Variants in HECTD4 observed in about 807,000 individuals in gnomAD.
HECTD4 encodes HECT domain E3 ubiquitin protein ligase 4.
In HECTD4, 114 loss-of-function variants were observed where a neutral mutation model predicts 471.5. The observed-to-expected ratio is 0.24, with a 90% CI of 0.21 to 0.28. HECTD4 has a LOEUF of 0.28. Ranked by LOEUF, HECTD4 falls within the 10% of genes least tolerant of loss-of-function variation. The pLI is 1.00. For missense variants in HECTD4, 3,866 were observed against 5,651.5 expected (o/e 0.68, Z 10.13); for synonymous variants, 2,012 against 2,256.0 (o/e 0.89, Z 3.07).
In HECTD4 at chr12:112,172,652, T is replaced by C. The variant is rs369957466; in HGVS notation, c.11785+19A>G. On this transcript the variant is annotated intron_variant, in intron 67 of 75. Transcript: ENST00000682272. ...CCGCATCAGGCAGCAGGGGAGGGGA[T>C]AGGCCCAGGGCCACATACTCAGGAG... is the stretch of plus-strand genomic sequence containing the variant. The C allele has an allele frequency of 1.9e-6, 3 of 1,610,826 alleles. No individual in the cohort carries two copies. In the African/African-American group the frequency reaches 4.0e-5, roughly 22 times the overall value.
At chr12:112,250,499 T>A (rs1438567388) in intron 24 of HECTD4, 122 bp from the exon 25 acceptor site, 3 of 698,700 alleles carry the variant, frequency 4.3e-6, no homozygotes, top group Non-Finnish European at 7.1e-6. Context: ...TAATTACTCA[T>A]CAAACCTTCT....
At chr12:112,326,920 T>G (rs180843662) in intron 1 of HECTD4, among the ~76,000 whole-genome samples, 141 of 152,358 alleles carry the variant, frequency 9.3e-4, no homozygotes, top group Middle Eastern at 6.8e-3. Flanking sequence ...ATAGAAATTA[T>G]ATTTCTAGGA....
At chr12:112,329,079 T>A (rs1363859437) in intron 1 of HECTD4, among the ~76,000 whole-genome samples, 1 of 152,236 alleles carries the variant, frequency 6.6e-6, no homozygotes, top group Non-Finnish European at 1.5e-5. Flanking sequence ...AGTTTTCATC[T>A]TTTGTGCTGT....
Position 112,219,429 on chromosome 12 carries a change from C to T in HECTD4, c.7031G>A (p.Cys2344Tyr), listed in dbSNP as rs1269514698. The change falls in exon 45 of 76, where the codon TGT (cysteine) becomes TAT (tyrosine). Residue 2344 changes from cysteine to tyrosine, a missense_variant. This residue lies in a region of HECTD4 where 617 missense variants were observed against 915.1 expected (regional missense o/e 0.67). Coordinates refer to ENST00000682272, the MANE Select transcript of HECTD4 (RefSeq NM_001388303.1). ...CERLRMLYRD[C>Y]ARPPPPPLQA... ...CAAAGGAGGTGGTGGGGGCCGAGCA[C>T]AGTCCCGGTAGAGCATCCTCAGCCG... is the stretch of plus-strand genomic sequence containing the variant. 6.2e-7 allele frequency: 1 copy of T among 1,613,718 alleles called. No individual in the cohort carries two copies.
chr12:112,351,492 C>A (rs2036247663), intron 1 of HECTD4, among the ~76,000 whole-genome samples: 1 of 152,118 alleles, frequency 6.6e-6, no homozygotes, highest in South Asian at 2.1e-4. Context: ...TAGTAGAAAA[C>A]CAGGCCAGTG....
intron 7 of HECTD4, chr12:112,302,634 C>T (rs113410767): frequency 2.1e-5 from 13 of 616,202 alleles, no homozygotes; most frequent in African/African-American, 1.8e-4. Flanking sequence ...GGGCCGGGGC[C>T]ACCTTCTTCC....
At chr12:112,280,399 C>T (rs575426070) in intron 8 of HECTD4, among the ~76,000 whole-genome samples, 1 of 152,178 alleles carries the variant, frequency 6.6e-6, no homozygotes, top group Admixed American at 6.5e-5. Flanking sequence ...ATTATGTCAA[C>T]AGAGAATCAA....
At chr12:112,349,671 G>A (rs999684069) in intron 1 of HECTD4, among the ~76,000 whole-genome samples, 1 of 151,902 alleles carries the variant, frequency 6.6e-6, no homozygotes, top group Admixed American at 6.6e-5. Flanking sequence ...ATGCAACTAC[G>A]GCAGTACAAA....
chr12:112,263,230 A>G (rs1043227902), intron 17 of HECTD4, among the ~76,000 whole-genome samples: 3 of 152,232 alleles, frequency 2.0e-5, no homozygotes, highest in African/African-American at 7.2e-5. Flanking sequence ...AATGAGGTAA[A>G]CTCATAAGTA....
chr12:112,242,667 T>C (rs1361722547), intron 32 of HECTD4, among the ~76,000 whole-genome samples: 7 of 150,408 alleles, frequency 4.7e-5, no homozygotes, highest in Admixed American at 2.6e-4. Flanking sequence ...CACAGCACTT[T>C]GGGGGGGCCG....
At chr12:112,192,282 TA>T (rs1471161684) in intron 59 of HECTD4, among the ~76,000 whole-genome samples, 6 of 152,222 alleles carry the variant, frequency 3.9e-5, no homozygotes, top group Non-Finnish European at 8.8e-5. Flanking sequence ...TGTATCATTC[TA>T]AACAGACACA....
At chr12:112,302,088 G>A in intron 7 of HECTD4, 1 of 1,374,558 alleles carries the variant, frequency 7.3e-7, no homozygotes, top group East Asian at 2.3e-5. Context: ...GTCTTCCTGT[G>A]GACTAGACGG....
chr12:112,270,418 G>A lies in HECTD4; in HGVS notation c.1984C>T (p.His662Tyr), dbSNP rs2034390332. Residue 662 changes from histidine (H) to tyrosine (Y), a missense_variant, in exon 12 of 76, where the codon CAC (histidine) becomes TAC (tyrosine). By Grantham distance (83) the His-to-Tyr change is moderately conservative (BLOSUM62 2). This residue lies in a region of HECTD4 where 525 missense variants were observed against 672.6 expected (regional missense o/e 0.78). Coordinates refer to ENST00000682272, the MANE Select transcript of HECTD4 (RefSeq NM_001388303.1). ...TGTATGCACATCGCACCAACGTGGTGCAATAATTGGTTTATAACCTCATTC... is the reference window on the plus strand; with the variant it reads ...TGTATGCACATCGCACCAACGTGGTACAATAATTGGTTTATAACCTCATTC... ...TTNEVINQLL[H>Y]HVGAMCIHQL... The A allele has an allele frequency of 3.1e-6, 5 of 1,614,000 alleles. No individual in the cohort carries two copies. The East Asian group carries it at 1.1e-4, about 36-fold the overall frequency.
At chr12:112,168,794 G>C (rs1238825650) in intron 70 of HECTD4, among the ~76,000 whole-genome samples, 1 of 152,224 alleles carries the variant, frequency 6.6e-6, no homozygotes, top group African/African-American at 2.4e-5. Context: ...TGGCACTCTG[G>C]GCAGGTTCGC....
chr12:112,282,036 TGTTTAATAACATACTC>T (rs2034653748), intron 8 of HECTD4, among the ~76,000 whole-genome samples: 9 of 152,044 alleles, frequency 5.9e-5, no homozygotes, highest in Admixed American at 2.6e-4. Flanking sequence ...TGAGGGAGTA[TGTTTAATAACATACTC>T]CCTTAAAGGT....
intron 16 of HECTD4, 123 bp from the exon 17 acceptor site, chr12:112,264,335 A>C: frequency 1.0e-6 from 1 of 990,054 alleles, no homozygotes; most frequent in Non-Finnish European, 1.4e-6. Context: ...AAACAGACCA[A>C]GTTAGTTTTT....
chr12:112,334,269 C>T (rs943227657), intron 1 of HECTD4, among the ~76,000 whole-genome samples: 2 of 150,732 alleles, frequency 1.3e-5, no homozygotes, highest in Non-Finnish European at 3.0e-5. Context: ...AAAATCTTCA[C>T]AATCTATACA....
chr12:112,282,960 G>C, intron 8 of HECTD4, 150 bp downstream of exon 8: 1 of 538,882 alleles, frequency 1.9e-6, no homozygotes, highest in Non-Finnish European at 3.1e-6. Flanking sequence ...GTATTGGCTT[G>C]GAATAAAAAG....
At chr12:112,317,431 A>G (rs2135697377) in intron 2 of HECTD4, among the ~76,000 whole-genome samples, 1 of 152,372 alleles carries the variant, frequency 6.6e-6, no homozygotes, top group East Asian at 1.9e-4. Context: ...AAGAAGACTT[A>G]TAACTAAGAA....
Sources: allele counts gnomAD v4.1 joint callset (sites outside exome capture counted in the v4.1 genomes callset), GRCh38; gene constraint gnomAD v4.1.1; regional missense constraint gnomAD v4.1.1; transcripts MANE v1.5; gene names NCBI Gene and HGNC (gene_info 2026-07-23, HGNC 2026-07-21).